The following MCMBP variants were observed in gnomAD, a reference collection of about 807,000 sequenced individuals.
The protein encoded by MCMBP is mini-chromosome maintenance complex-binding protein.
Under a neutral mutation model 81.3 loss-of-function variants are expected in MCMBP, and 31 were observed. The observed-to-expected ratio is 0.38, with a 90% CI of 0.29 to 0.51. The LOEUF (loss-of-function observed/expected upper bound fraction) is 0.51, where lower values mean the gene tolerates loss of function less well. Ranked by LOEUF, MCMBP falls within the 20% of genes least tolerant of loss-of-function variation. The pLI is 0.87. For missense variants in MCMBP, 645 were observed against 772.1 expected (o/e 0.84, Z 1.95); for synonymous variants, 267 against 275.9 (o/e 0.97, Z 0.32).
intron 2 of MCMBP, 80 bp downstream of exon 2, chr10:119,859,719 T>C: frequency 4.9e-6 from 4 of 824,092 alleles, no homozygotes; most frequent in Non-Finnish European, 5.8e-6. Flanking sequence ...TTAAATTACA[T>C]GTGGGTTACT....
At chr10:119,851,089 A>G (rs1852808987) in intron 6 of MCMBP, among the ~76,000 whole-genome samples, 1 of 151,862 alleles carries the variant, frequency 6.6e-6, no homozygotes, top group African/African-American at 2.4e-5. Flanking sequence ...GCCAGACTGG[A>G]ACTCCTGACC....
At position 119,859,097 on chromosome 10, in the gene MCMBP, C is replaced by G. The variant is rs199918375; in HGVS notation, c.229G>C (p.Asp77His). ...KFRCMIQDMF[D>H]PEFYMGVYET... ...TAAACTCCCATGTAAAACTCAGGGT[C>G]AAACATATCCTGAATCATGCAACGA... The change falls in exon 3 of 16, where the codon GAC becomes CAC. Residue 77 changes from aspartate to histidine, a missense_variant. Physicochemically the swap from Asp to His is moderately conservative, Grantham distance 81. Coordinates refer to ENST00000369077, the MANE Select transcript of MCMBP (RefSeq NM_001256378.2). The G allele has an allele frequency of 1.2e-6, 2 of 1,613,906 alleles. No homozygotes were observed. The highest frequency in any genetic ancestry group is 1.7e-6 in the Non-Finnish European group (2 of 1,179,852).
chr10:119,862,281 T>A (rs1401135626), intron 1 of MCMBP, among the ~76,000 whole-genome samples: 1 of 152,128 alleles, frequency 6.6e-6, no homozygotes, highest in Non-Finnish European at 1.5e-5. Context: ...CACTCCAGCC[T>A]GGGCGACTAG....
chr10:119,867,458 C>A lies in MCMBP; in HGVS notation c.58+5069G>T, dbSNP rs151039389. ...ATCTGCCATGGCTGCCGGAGCTATT[C>A]TTCTTCTTTGAGAACGCCCCCAATG... On this transcript the variant is annotated intron_variant, in intron 1 of 15. Transcript: ENST00000369077. Among the ~76,000 whole-genome samples the A allele has an allele frequency of 4.6e-5, 7 of 152,122 alleles. No homozygotes were observed. In the East Asian group the frequency reaches 9.7e-4, roughly 21 times the overall value.
upstream of MCMBP, among the ~76,000 whole-genome samples, chr10:119,873,025 G>A (rs908108996): frequency 6.6e-6 from 1 of 151,868 alleles, no homozygotes; most frequent in African/African-American, 2.4e-5. Context: ...AGGCTGCGCA[G>A]CGCGGGGCCC....
chr10:119,866,042 C>T (rs191355391), intron 1 of MCMBP, among the ~76,000 whole-genome samples: 77 of 151,054 alleles, frequency 5.1e-4, no homozygotes, highest in African/African-American at 1.8e-3. Flanking sequence ...GAACCATGAT[C>T]TTGCCACACA....
intron 11 of MCMBP, 130 bp from the exon 12 acceptor site, chr10:119,838,830 T>C: frequency 2.7e-6 from 2 of 752,910 alleles, no homozygotes; most frequent in Middle Eastern, 4.1e-4. Flanking sequence ...AGTAGTGATA[T>C]GGTTTCTTGA....
chr10:119,856,402 C>T (rs1173163025), intron 5 of MCMBP, among the ~76,000 whole-genome samples: 1 of 152,178 alleles, frequency 6.6e-6, no homozygotes, highest in East Asian at 1.9e-4. Flanking sequence ...ACTACTGATA[C>T]ACACATGACT....
chr10:119,867,657 G>C (rs760916259), intron 1 of MCMBP, among the ~76,000 whole-genome samples: 1 of 152,146 alleles, frequency 6.6e-6, no homozygotes, highest in African/African-American at 2.4e-5. Flanking sequence ...GTAAATTTGG[G>C]AGACATGGAG....
chr10:119,872,506 C>G (rs977399087), intron 1 of MCMBP, 21 bp downstream of exon 1: 61 of 1,178,812 alleles, frequency 5.2e-5, no homozygotes, highest in Non-Finnish European at 6.4e-5. Context: ...GCCCGGCCCG[C>G]CCCCCGGCGC....
intron 4 of MCMBP, 93 bp from the exon 5 acceptor site, chr10:119,857,532 C>G (rs1337399336): frequency 3.1e-6 from 2 of 642,310 alleles, no homozygotes; most frequent in African/African-American, 3.7e-5. Flanking sequence ...CATTATAACA[C>G]CACAGCAAAT....
intron 10 of MCMBP, among the ~76,000 whole-genome samples, chr10:119,842,018 G>A (rs775187445): frequency 1.3e-5 from 2 of 152,142 alleles, no homozygotes; most frequent in African/African-American, 2.4e-5. Flanking sequence ...GGGCATTACC[G>A]CCTGAGTTCC....
chr10:119,850,435 G>A (rs999611820), intron 6 of MCMBP, among the ~76,000 whole-genome samples: 2 of 152,104 alleles, frequency 1.3e-5, no homozygotes, highest in Non-Finnish European at 2.9e-5. Context: ...GTGGTCACAT[G>A]AATCTACCTA....
intron 1 of MCMBP, among the ~76,000 whole-genome samples, chr10:119,863,514 C>T (rs1209780713): frequency 6.6e-6 from 1 of 151,616 alleles, no homozygotes; most frequent in East Asian, 1.9e-4. Flanking sequence ...GGCGGATCAC[C>T]TGTCAGGAGT....
upstream of MCMBP, chr10:119,872,927 A>AGCGCGGCTCT (rs890077979): frequency 1.3e-5 from 2 of 150,758 alleles, no homozygotes; most frequent in Admixed American, 6.6e-5. Flanking sequence ...CGCGCGGCGC[A>AGCGCGGCTCT]GCGCGGCTCT....
In MCMBP at chr10:119,849,521, A is replaced by C; in HGVS notation, c.630T>G (p.Ala210=). 6.2e-7 allele frequency: 1 copy of C among 1,608,782 alleles called. No homozygotes were observed. Among genetic ancestry groups the C allele is most frequent in the Non-Finnish European group, 8.5e-7 (1 of 1,178,600 alleles). Residue 210 remains alanine (A), a synonymous_variant, in exon 7 of 16, where the codon GCT becomes GCG. Transcript: ENST00000369077. ...CGEPKRLETE[A]STGQQLNSLN... ...GAGAGTTCAGCTGTTGCCCAGTAGA[A>C]GCTTCAGTTTCTAAACGTTTTGGCT...
At chr10:119,843,785 C>T (rs1490955094) in intron 8 of MCMBP, among the ~76,000 whole-genome samples, 2 of 152,118 alleles carry the variant, frequency 1.3e-5, no homozygotes, top group African/African-American at 4.8e-5. Flanking sequence ...CCTCAGCCTC[C>T]TGAGTAGCTG....
chr10:119,832,695 T>C (rs572116307), intron 14 of MCMBP, among the ~76,000 whole-genome samples: 5 of 152,142 alleles, frequency 3.3e-5, no homozygotes, highest in Admixed American at 3.3e-4. Context: ...GGTGGCTCCC[T>C]GGAAGGACCC....
At chr10:119,859,343 A>G (rs1853166046) in intron 2 of MCMBP, among the ~76,000 whole-genome samples, 162 bp from the exon 3 acceptor site, 1 of 152,046 alleles carries the variant, frequency 6.6e-6, no homozygotes, top group South Asian at 2.1e-4. Context: ...CTCAATGGTC[A>G]ATATAATTGC....
Sources: allele counts gnomAD v4.1 joint callset (sites outside exome capture counted in the v4.1 genomes callset), GRCh38; gene constraint gnomAD v4.1.1; transcripts MANE v1.5; gene names NCBI Gene and HGNC (gene_info 2026-07-23, HGNC 2026-07-21).